PLCG2: variants seen among roughly 807,000 people sequenced by gnomAD.
PLCG2 encodes 1-phosphatidylinositol 4,5-bisphosphate phosphodiesterase gamma-2.
A neutral mutation model predicts 175.6 loss-of-function variants in PLCG2; 69 were observed. The ratio of observed to expected loss-of-function variants is 0.39; its 90% CI spans 0.32 to 0.48. The LOEUF is 0.48. Ranked by LOEUF, PLCG2 falls within the 20% of genes least tolerant of loss-of-function variation. PLCG2 has a pLI of 0.91. For synonymous variants in PLCG2, 827 were observed against 624.0 expected (o/e 1.33, Z -4.85); for missense variants, 1,798 against 1,650.9 (o/e 1.09, Z -1.54).
At chr16:81,875,587 C>G (rs781739952) in intron 7 of PLCG2, among the ~76,000 whole-genome samples, 10 of 152,132 alleles carry the variant, frequency 6.6e-5, no homozygotes, top group African/African-American at 1.9e-4. Context: ...CTGCCCTCAC[C>G]CAAGTCCCTT....
intron 16 of PLCG2, 84 bp from the exon 17 acceptor site, chr16:81,908,332 T>C: frequency 7.9e-7 from 1 of 1,264,686 alleles, no homozygotes; most frequent in South Asian, 1.4e-5. Flanking sequence ...GTACCCTGGG[T>C]CAGGGTGAGA....
At chr16:81,897,165 G>C (rs923189120) in intron 13 of PLCG2, among the ~76,000 whole-genome samples, 3 of 152,254 alleles carry the variant, frequency 2.0e-5, no homozygotes, top group African/African-American at 7.2e-5. Context: ...ATTTGGGGCA[G>C]AGGCCATCAT....
intron 19 of PLCG2, among the ~76,000 whole-genome samples, chr16:81,915,070 G>T (rs2143670167): frequency 6.6e-6 from 1 of 152,342 alleles, no homozygotes; most frequent in African/African-American, 2.4e-5. Context: ...AAGCGTCACT[G>T]TCCTTCACTG....
Position 81,939,997 on chromosome 16 carries a change from A to G in PLCG2, c.3419A>G (p.Asp1140Gly), listed in dbSNP as rs763369976. 6.2e-7 allele frequency: 1 copy of G among 1,614,134 alleles called. No individual in the cohort carries two copies. The highest frequency in any genetic ancestry group is 8.5e-7 in the Non-Finnish European group (1 of 1,179,968). Reference sequence around the variant, plus strand: ...CTGCGCTTTGTGGTTTATGAAGAAGATATGTTCAGCGATCCCAACTTTCTT... The same window carrying G: ...CTGCGCTTTGTGGTTTATGAAGAAGGTATGTTCAGCGATCCCAACTTTCTT... Reference protein sequence around the residue: ...AFLRFVVYEEDMFSDPNFLAH... With the variant: ...AFLRFVVYEEGMFSDPNFLAH... The change falls in exon 30 of 33, where the codon GAT becomes GGT. Residue 1140 changes from aspartate (D) to glycine (G), a missense_variant. Transcript: ENST00000564138.
chr16:81,800,978 A>T (rs1029870537), intron 2 of PLCG2, among the ~76,000 whole-genome samples: 5 of 152,272 alleles, frequency 3.3e-5, no homozygotes, highest in African/African-American at 1.2e-4. Flanking sequence ...CAAGGAATGC[A>T]GGTGGCTTGT....
At chr16:81,883,417 C>A in intron 9 of PLCG2, 76 bp downstream of exon 9, 1 of 1,175,124 alleles carries the variant, frequency 8.5e-7, no homozygotes, top group Non-Finnish European at 1.3e-6. Flanking sequence ...CCTTCTGCCG[C>A]CTGTGCTCAC....
At chr16:81,815,565 G>T (rs1487619285) in intron 2 of PLCG2, among the ~76,000 whole-genome samples, 3 of 152,176 alleles carry the variant, frequency 2.0e-5, no homozygotes, top group African/African-American at 4.8e-5. Context: ...TCAGCCTGTT[G>T]TTCTGAAGTT....
chr16:81,890,692 T>G (rs1163315453), intron 10 of PLCG2, among the ~76,000 whole-genome samples: 1 of 152,154 alleles, frequency 6.6e-6, no homozygotes, highest in Non-Finnish European at 1.5e-5. Flanking sequence ...CTGACCCATA[T>G]GAGGTCGTTC....
intron 9 of PLCG2, among the ~76,000 whole-genome samples, chr16:81,885,674 T>C (rs2095747512): frequency 6.6e-6 from 1 of 152,102 alleles, no homozygotes; most frequent in Admixed American, 6.5e-5. Context: ...CTTGTGCAAT[T>C]AACAGTAATT....
chr16:81,787,477 C>T (rs1911027933), intron 2 of PLCG2, among the ~76,000 whole-genome samples: 1 of 140,596 alleles, frequency 7.1e-6, no homozygotes, highest in Admixed American at 7.7e-5. Flanking sequence ...ATCCTCCCTC[C>T]TTGGCCTCCC....
At chr16:81,895,175 T>C (rs1368759030) in intron 12 of PLCG2, among the ~76,000 whole-genome samples, 1 of 152,230 alleles carries the variant, frequency 6.6e-6, no homozygotes, top group Non-Finnish European at 1.5e-5. Flanking sequence ...AATTTCTCAT[T>C]GCTCTGTATC....
intron 2 of PLCG2, among the ~76,000 whole-genome samples, chr16:81,818,422 T>A (rs560691816): frequency 2.1e-4 from 32 of 152,348 alleles, no homozygotes; most frequent in Admixed American, 1.6e-3. Flanking sequence ...CATTCATTGT[T>A]CCTGTGTCAT....
chr16:81,877,399 G>A (rs898031302), intron 7 of PLCG2, among the ~76,000 whole-genome samples: 1 of 152,182 alleles, frequency 6.6e-6, no homozygotes, highest in African/African-American at 2.4e-5. Context: ...AACTTACAGT[G>A]AGCCGAGATT....
At chr16:81,850,111 G>T (rs1906330709) in intron 2 of PLCG2, among the ~76,000 whole-genome samples, 1 of 152,196 alleles carries the variant, frequency 6.6e-6, no homozygotes, top group Non-Finnish European at 1.5e-5. Context: ...ATGACATAAT[G>T]AGATAAGATG....
rs779992951 is a variant in PLCG2 at position 81,912,735 on chromosome 16, G to C, written c.2054+19G>C. ...CCTTCAGGTGGGTGCGAGGGTGGGA[G>C]GCACATGCTCTACAGAGGGGCTTGG... On this transcript the variant is annotated intron_variant, in intron 19 of 32. Transcript: ENST00000564138. 1.3e-6 allele frequency: 2 copies of C among 1,581,978 alleles called. No homozygotes were observed. The highest frequency in any genetic ancestry group is 2.7e-5 in the African/African-American group (2 of 74,236).
intron 31 of PLCG2, among the ~76,000 whole-genome samples, chr16:81,952,605 C>T (rs1218342572): frequency 6.6e-6 from 1 of 152,156 alleles, no homozygotes; most frequent in Non-Finnish European, 1.5e-5. Context: ...CAGCTGGAAC[C>T]ATTTGCATAG....
chr16:81,890,211 C>T (rs1356204894), intron 10 of PLCG2, among the ~76,000 whole-genome samples: 1 of 152,164 alleles, frequency 6.6e-6, no homozygotes, highest in Non-Finnish European at 1.5e-5. Flanking sequence ...AGAAAAATGG[C>T]TGGTAACCAG....
intron 30 of PLCG2, among the ~76,000 whole-genome samples, chr16:81,940,657 C>A (rs78690039): frequency 0.053 from 7,994 of 152,264 alleles, 320 homozygotes; most frequent in Non-Finnish European, 0.077. Flanking sequence ...CTGGGTCATA[C>A]GACCAGCTCT....
chr16:81,934,473 C>T lies in PLCG2; in HGVS notation c.2784C>T (p.Ile928=), dbSNP rs769310647. The T allele has an allele frequency of 5.0e-5, 80 of 1,613,340 alleles. No homozygotes were observed. The South Asian group carries it at 6.3e-4, about 13-fold the overall frequency. ...GGGAGAAGAACCAGTCCATCGCCAT[C>T]GAGCTCTCTGACCTGGTTGTCTACT... ...KYWEKNQSIA[I]ELSDLVVYCK... Residue 928 remains isoleucine, a synonymous_variant, in exon 26 of 33, where the codon ATC becomes ATT. Transcript: ENST00000564138.
Sources: gnomAD v4.1 joint callset for allele counts (sites outside exome capture counted in the v4.1 genomes callset) on GRCh38, gnomAD v4.1.1 for gene constraint, MANE v1.5 for transcripts, NCBI Gene and HGNC (gene_info 2026-07-23, HGNC 2026-07-21) for gene names.